Variants in HIPK2 observed in about 807,000 individuals in gnomAD.
HIPK2 encodes homeodomain-interacting protein kinase 2.
A neutral mutation model predicts 113.7 loss-of-function variants in HIPK2; 27 were observed. That is an observed-to-expected ratio of 0.24 (90% CI 0.17 to 0.33). HIPK2 has a LOEUF of 0.33. Among genes scored for constraint, HIPK2 ranks in the 10% least tolerant of loss-of-function variants. The pLI is 1.00. For missense variants in HIPK2, 1,257 were observed against 1,588.0 expected (o/e 0.79, Z 3.54); for synonymous variants, 631 against 642.2 (o/e 0.98, Z 0.26).
At chr7:139,659,212 C>T (rs1801781481) in intron 2 of HIPK2, among the ~76,000 whole-genome samples, 1 of 152,164 alleles carries the variant, frequency 6.6e-6, no homozygotes, top group Non-Finnish European at 1.5e-5. Flanking sequence ...CCTCACTGCC[C>T]TACTTCTTTC....
At chr7:139,758,747 A>AC (rs1009004078) in intron 1 of HIPK2, among the ~76,000 whole-genome samples, 12 of 152,094 alleles carry the variant, frequency 7.9e-5, no homozygotes, top group African/African-American at 2.9e-4. Flanking sequence ...AACCACCCCC[A>AC]CCCCCAGTCC....
At chr7:139,622,549 T>G (rs1800270501) in intron 6 of HIPK2, among the ~76,000 whole-genome samples, 1 of 152,152 alleles carries the variant, frequency 6.6e-6, no homozygotes, top group South Asian at 2.1e-4. Context: ...TCCTTTCACT[T>G]TAGGTTTATA....
At chr7:139,698,887 G>A (rs1794631792) in intron 2 of HIPK2, among the ~76,000 whole-genome samples, 1 of 152,186 alleles carries the variant, frequency 6.6e-6, no homozygotes, top group African/African-American at 2.4e-5. Flanking sequence ...TCCATCAAAT[G>A]CAAGGAGGCA....
intron 2 of HIPK2, among the ~76,000 whole-genome samples, chr7:139,689,141 G>C (rs1459898740): frequency 6.6e-6 from 1 of 152,208 alleles, no homozygotes; most frequent in African/African-American, 2.4e-5. Flanking sequence ...GTTTGGCTGG[G>C]GTGTAAATGC....
intron 2 of HIPK2, among the ~76,000 whole-genome samples, chr7:139,658,927 C>A (rs929133234): frequency 6.6e-6 from 1 of 152,150 alleles, no homozygotes; most frequent in South Asian, 2.1e-4. Context: ...TCCTATATAC[C>A]ACTCTCAGTG....
At chr7:139,643,859 A>G (rs1319679785) in intron 2 of HIPK2, among the ~76,000 whole-genome samples, 1 of 152,218 alleles carries the variant, frequency 6.6e-6, no homozygotes, top group East Asian at 1.9e-4. Context: ...TATACTCCTG[A>G]CACGTGCTGT....
At chr7:139,771,029 T>C (rs1037013280) in intron 1 of HIPK2, among the ~76,000 whole-genome samples, 1 of 152,198 alleles carries the variant, frequency 6.6e-6, no homozygotes, top group Non-Finnish European at 1.5e-5. Context: ...GTTCATTACA[T>C]CTTTTGCCTT....
intron 2 of HIPK2, among the ~76,000 whole-genome samples, chr7:139,672,063 T>C (rs995814231): frequency 1.5e-5 from 2 of 137,496 alleles, no homozygotes; most frequent in East Asian, 2.1e-4. Flanking sequence ...GAGTTTCTTA[T>C]AGTTTATGTC....
At chr7:139,648,731 T>G (rs1046792972) in intron 2 of HIPK2, among the ~76,000 whole-genome samples, 2 of 152,010 alleles carry the variant, frequency 1.3e-5, no homozygotes, top group Admixed American at 1.3e-4. Context: ...GGACGGCTCT[T>G]GGGATTGTCT....
In HIPK2 at chr7:139,713,908, G is replaced by A. The variant is rs529222097; in HGVS notation, c.1103+2024C>T. On this transcript the variant is annotated intron_variant, in intron 2 of 14. Transcript: ENST00000406875. ...CTCTCTACAGAGAATATGTGCTGTC[G>A]GTACCGGGCACCCAACCCTCCAGAT... Among the ~76,000 whole-genome samples the A allele has an allele frequency of 1.4e-3, 217 of 152,276 alleles. 1 individual carries two copies. The highest frequency in any genetic ancestry group is 4.4e-3 in the African/African-American group (182 of 41,564).
At chr7:139,632,788 T>G (rs1436473594) in intron 2 of HIPK2, among the ~76,000 whole-genome samples, 1 of 152,012 alleles carries the variant, frequency 6.6e-6, no homozygotes. Context: ...TAAAAAAATA[T>G]GTCTCAAGGC....
chr7:139,599,676 A>G (rs1231685372), intron 11 of HIPK2, among the ~76,000 whole-genome samples: 1 of 152,228 alleles, frequency 6.6e-6, no homozygotes, highest in Non-Finnish European at 1.5e-5. Flanking sequence ...ACATTTCTTT[A>G]GTATTTTTTA....
chr7:139,763,988 A>G (rs1271747576), intron 1 of HIPK2, among the ~76,000 whole-genome samples: 1 of 152,226 alleles, frequency 6.6e-6, no homozygotes, highest in Non-Finnish European at 1.5e-5. Context: ...CCCCAAGCAC[A>G]GTGCTAAAGT....
chr7:139,721,288 A>C (rs1795401503), intron 1 of HIPK2, among the ~76,000 whole-genome samples: 1 of 152,276 alleles, frequency 6.6e-6, no homozygotes, highest in South Asian at 2.1e-4. Flanking sequence ...AAATACCTTC[A>C]TAAGGAATAA....
intron 7 of HIPK2, among the ~76,000 whole-genome samples, chr7:139,617,347 T>C (rs1280412558): frequency 2.6e-5 from 4 of 152,230 alleles, no homozygotes; most frequent in Non-Finnish European, 5.9e-5. Context: ...ATTACAGGTG[T>C]GCACCACTGT....
intron 2 of HIPK2, among the ~76,000 whole-genome samples, chr7:139,675,075 G>T (rs1170242294): frequency 6.6e-6 from 1 of 152,132 alleles, no homozygotes; most frequent in Non-Finnish European, 1.5e-5. Context: ...GACTGACATG[G>T]GTTTAATTGC....
At chr7:139,731,643 C>CT (rs1795786526) in intron 1 of HIPK2, among the ~76,000 whole-genome samples, 1 of 152,224 alleles carries the variant, frequency 6.6e-6, no homozygotes, top group African/African-American at 2.4e-5. Context: ...AGGCTGTTCT[C>CT]TAACTGCAAA....
At position 139,631,496 on chromosome 7, in the gene HIPK2, A is replaced by G; in HGVS notation, c.1227+106T>C. On this transcript the variant is annotated intron_variant, in intron 3 of 14. Coordinates refer to ENST00000406875, the MANE Select transcript of HIPK2 (RefSeq NM_022740.5). The surrounding 1 kb of genome is among the most constrained non-coding windows in gnomAD (Gnocchi z 4.9). ...AGCAAGGTTTGGGAGACAACGTGAC[A>G]TTCCACAGTCCCGCCCATTTGTCAT... 4 of 1,504,044 alleles carry G rather than the reference A, an allele frequency of 2.7e-6. No individual in the cohort carries two copies. Among genetic ancestry groups the G allele is most frequent in the Non-Finnish European group, 2.7e-6 (3 of 1,124,710 alleles). The allele number at this position is 1,504,044 out of a possible 1,614,324, so 93.2% of individuals were successfully genotyped here.
chr7:139,666,324 G>C (rs142706541), intron 2 of HIPK2, among the ~76,000 whole-genome samples: 8 of 152,324 alleles, frequency 5.3e-5, no homozygotes, highest in African/African-American at 1.7e-4. Flanking sequence ...GACTTGAGGA[G>C]CAGGGGCTGC....
Sources: gnomAD v4.1 joint callset for allele counts (sites outside exome capture counted in the v4.1 genomes callset) on GRCh38, gnomAD v4.1.1 for gene constraint, Gnocchi (gnomAD v3.1) non-coding constraint, MANE v1.5 for transcripts, NCBI Gene and HGNC (gene_info 2026-07-23, HGNC 2026-07-21) for gene names.